Variants in RNF212B observed in about 807,000 individuals in gnomAD.
The protein encoded by RNF212B is E3 ubiquitin-protein ligase RNF212B.
Under a neutral mutation model 55.5 loss-of-function variants are expected in RNF212B, and 52 were observed. The ratio of observed to expected loss-of-function variants is 0.94; its 90% CI spans 0.75 to 1.18. The LOEUF is 1.18. RNF212B is among the 50% of genes most tolerant of loss of function. The pLI is 0.00. For synonymous variants in RNF212B, 99 were observed against 121.4 expected, an observed-to-expected ratio of 0.82 and a Z score of 1.21; for missense variants, 289 against 350.4, an observed-to-expected ratio of 0.82 and a Z score of 1.40.
chr14:23,234,148 A>G (rs1432100303), upstream of RNF212B, among the ~76,000 whole-genome samples: 3 of 151,756 alleles, frequency 2.0e-5, no homozygotes, highest in Non-Finnish European at 4.4e-5. Flanking sequence ...TTCTAGGAAA[A>G]CTGTTGGTCT....
chr14:23,196,836 G>A (rs895686430), intron 2 of RNF212B, among the ~76,000 whole-genome samples: 1 of 152,230 alleles, frequency 6.6e-6, no homozygotes, highest in East Asian at 1.9e-4. Flanking sequence ...TTCTGATTTA[G>A]CACAATTGTT....
At chr14:23,209,943 A>C (rs1173133251) in intron 2 of RNF212B, among the ~76,000 whole-genome samples, 8 of 152,154 alleles carry the variant, frequency 5.3e-5, no homozygotes, top group Admixed American at 5.2e-4. Flanking sequence ...ACTTGAAGCC[A>C]GGAGTTTGAG....
At chr14:23,243,817 C>T (rs1883794107) in intron 3 of RNF212B, among the ~76,000 whole-genome samples, 1 of 151,632 alleles carries the variant, frequency 6.6e-6, no homozygotes, top group Non-Finnish European at 1.5e-5. Context: ...AGGCTCACAC[C>T]TGTAATCCCA....
intron 2 of RNF212B, among the ~76,000 whole-genome samples, chr14:23,241,349 G>A (rs564052937): frequency 9.9e-5 from 15 of 152,192 alleles, no homozygotes; most frequent in South Asian, 6.2e-4. Context: ...AGGCAGTGTC[G>A]GATGATGGAA....
chr14:23,196,381 T>A (rs1005628666), intron 2 of RNF212B, among the ~76,000 whole-genome samples: 6 of 152,118 alleles, frequency 3.9e-5, no homozygotes, highest in African/African-American at 1.4e-4. Flanking sequence ...CTGCTCTCTG[T>A]GCCACAGCCA....
upstream of RNF212B, among the ~76,000 whole-genome samples, chr14:23,235,661 GAGAT>G (rs1292674443): frequency 2.0e-5 from 3 of 152,198 alleles, no homozygotes; most frequent in Non-Finnish European, 2.9e-5. Context: ...CTTACCTGAT[GAGAT>G]AGATAGTGAT....
chr14:23,253,405 T>C (rs1310893029), intron 4 of RNF212B, among the ~76,000 whole-genome samples: 1 of 152,210 alleles, frequency 6.6e-6, no homozygotes. Context: ...CTTTTGTCTA[T>C]AGAGTTGTTC....
chr14:23,187,579 A>G (rs1453052148), intron 1 of RNF212B, among the ~76,000 whole-genome samples: 1 of 152,168 alleles, frequency 6.6e-6, no homozygotes, highest in Non-Finnish European at 1.5e-5. Flanking sequence ...CACAAAGCTC[A>G]TGCACTCCAT....
intron 2 of RNF212B, among the ~76,000 whole-genome samples, 176 bp downstream of exon 2, chr14:23,240,621 G>T (rs543995361): frequency 5.3e-5 from 8 of 152,264 alleles, no homozygotes; most frequent in African/African-American, 1.7e-4. Flanking sequence ...ATAAAGAATG[G>T]TCCTAAATTA....
At chr14:23,269,763 C>G in intron 12 of RNF212B, 100 bp from the exon 13 acceptor site, 1 of 644,182 alleles carries the variant, frequency 1.6e-6, no homozygotes, top group Non-Finnish European at 2.7e-6. Context: ...GAATTTTTTC[C>G]TCTCTGGCCT....
At chr14:23,209,742 G>A (rs1880290350) in intron 2 of RNF212B, among the ~76,000 whole-genome samples, 1 of 138,882 alleles carries the variant, frequency 7.2e-6, no homozygotes, top group African/African-American at 2.5e-5. Context: ...GGAGAAACCT[G>A]GCAACCACTC....
intron 11 of RNF212B, among the ~76,000 whole-genome samples, chr14:23,265,471 A>G (rs1885621733): frequency 6.6e-6 from 1 of 152,222 alleles, no homozygotes; most frequent in Non-Finnish European, 1.5e-5. Context: ...ATTAGCCAGT[A>G]CCTAGAGAAT....
At chr14:23,262,622 T>C (rs1885375090) in intron 7 of RNF212B, 43 bp from the exon 8 acceptor site, 3 of 1,530,682 alleles carry the variant, frequency 2.0e-6, no homozygotes, top group South Asian at 1.2e-5. Context: ...ACTTGACCTC[T>C]GCCTAGAGAG....
intron 1 of RNF212B, 77 bp from the exon 2 acceptor site, chr14:23,240,268 G>C: frequency 1.0e-6 from 1 of 955,548 alleles, no homozygotes; most frequent in Non-Finnish European, 1.6e-6. Context: ...AAGCAAGCAC[G>C]GTTACATAGA....
chr14:23,187,128 TCA>T (rs1877674384), intron 1 of RNF212B, among the ~76,000 whole-genome samples: 1 of 152,188 alleles, frequency 6.6e-6, no homozygotes, highest in Non-Finnish European at 1.5e-5. Flanking sequence ...AGCCACTGTT[TCA>T]GCTGTTTTGC....
chr14:23,209,876 A>C (rs8012162), intron 2 of RNF212B, among the ~76,000 whole-genome samples: 1 of 152,152 alleles, frequency 6.6e-6, no homozygotes, highest in African/African-American at 2.4e-5. Flanking sequence ...TGACTGGCCC[A>C]GTGAGGTGAC....
rs1885510497 is a variant in RNF212B, at chr14:23,264,169, T to C, written c.525-5T>C. 1 of 1,547,958 alleles carries C rather than the reference T, an allele frequency of 6.5e-7. No homozygotes were observed. The highest frequency in any genetic ancestry group is 2.4e-5 in the East Asian group (1 of 40,896). ...TTTTTTTTCTTTTTGTTTCACCTTA[T>C]ACAGTCGGTCCTCCTCAGCGGAATC... On this transcript the variant is annotated splice_region_variant and splice_polypyrimidine_tract_variant and intron_variant, in intron 9 of 14. Coordinates refer to ENST00000430154, the MANE Select transcript of RNF212B (RefSeq NM_001282322.3).
At chr14:23,210,596 TG>T (rs141515427) in intron 2 of RNF212B, among the ~76,000 whole-genome samples, 1,806 of 151,750 alleles carry the variant, frequency 0.012, 38 homozygotes, top group African/African-American at 0.041. Context: ...GCCAACATAG[TG>T]AAACCCCGTC....
chr14:23,199,503 A>G (rs577071220), intron 2 of RNF212B, among the ~76,000 whole-genome samples: 1 of 152,284 alleles, frequency 6.6e-6, no homozygotes, highest in South Asian at 2.1e-4. Flanking sequence ...GGGGGCCCCA[A>G]GCTTTAATTT....
Sources: gnomAD v4.1 joint callset for allele counts (sites outside exome capture counted in the v4.1 genomes callset) on GRCh38, gnomAD v4.1.1 for gene constraint, MANE v1.5 for transcripts, NCBI Gene and HGNC (gene_info 2026-07-23, HGNC 2026-07-21) for gene names.